RAB3C: variants seen among roughly 807,000 people sequenced by gnomAD.
The protein encoded by RAB3C is ras-related protein Rab-3C.
A neutral mutation model predicts 26.4 loss-of-function variants in RAB3C; 17 were observed. The observed-to-expected ratio is 0.64, with a 90% confidence interval of 0.44 to 0.97. The LOEUF (loss-of-function observed/expected upper bound fraction) is 0.97, where lower values mean the gene tolerates loss of function less well. Among genes scored for constraint, RAB3C ranks in the 50% least tolerant of loss-of-function variants. The probability of loss-of-function intolerance (pLI) is 0.00; values close to 1 mark genes in which losing one functional copy is unlikely to be tolerated. For missense variants in RAB3C, 242 were observed against 281.9 expected, an observed-to-expected ratio of 0.86 and a Z score of 1.01; for synonymous variants, 91 against 95.9, an observed-to-expected ratio of 0.95 and a Z score of 0.30.
intron 2 of RAB3C, among the ~76,000 whole-genome samples, chr5:58,675,853 G>A (rs1260512865): frequency 6.6e-6 from 1 of 151,906 alleles, no homozygotes; most frequent in Non-Finnish European, 1.5e-5. Flanking sequence ...TCCTCTGTTG[G>A]CGTCAGCTTT....
intron 3 of RAB3C, among the ~76,000 whole-genome samples, chr5:58,765,906 G>A (rs189412945): frequency 3.5e-4 from 53 of 152,110 alleles, no homozygotes; most frequent in South Asian, 2.1e-3. Context: ...GTGAGTTCTC[G>A]TGAGATCTGG....
intron 3 of RAB3C, among the ~76,000 whole-genome samples, chr5:58,735,419 C>T (rs959049950): frequency 2.0e-5 from 3 of 152,142 alleles, no homozygotes; most frequent in East Asian, 1.9e-4. Flanking sequence ...ATGTGAGTAA[C>T]GAGGACAAAC....
chr5:58,680,377 T>C (rs564863084), intron 2 of RAB3C, among the ~76,000 whole-genome samples: 4 of 152,332 alleles, frequency 2.6e-5, no homozygotes, highest in Admixed American at 2.6e-4. Context: ...TGTGGCATTA[T>C]TGAAGTGAAT....
At chr5:58,718,912 A>G (rs796297857) in intron 2 of RAB3C, among the ~76,000 whole-genome samples, 4 of 152,202 alleles carry the variant, frequency 2.6e-5, no homozygotes, top group African/African-American at 9.6e-5. Context: ...AGCATAAAAT[A>G]TTTAAGCTTC....
At chr5:58,779,693 G>A (rs777970640) in intron 3 of RAB3C, among the ~76,000 whole-genome samples, 3 of 151,942 alleles carry the variant, frequency 2.0e-5, no homozygotes, top group East Asian at 3.9e-4. Flanking sequence ...CAGCCTTTAC[G>A]ATATAAGATT....
chr5:58,663,453 T>A (rs1033429991), intron 2 of RAB3C, among the ~76,000 whole-genome samples: 5 of 150,354 alleles, frequency 3.3e-5, no homozygotes, highest in Admixed American at 3.3e-4. Context: ...AATTTCTTTA[T>A]CATTTGTTGA....
At chr5:58,626,865 T>TA (rs1747063261) in intron 2 of RAB3C, among the ~76,000 whole-genome samples, 1 of 152,202 alleles carries the variant, frequency 6.6e-6, no homozygotes, top group African/African-American at 2.4e-5. Context: ...GGCAGGTATT[T>TA]ATATGAAGAA....
intron 3 of RAB3C, among the ~76,000 whole-genome samples, chr5:58,772,760 T>A (rs753074947): frequency 6.6e-6 from 1 of 152,212 alleles, no homozygotes; most frequent in Non-Finnish European, 1.5e-5. Flanking sequence ...TCTTCTAATT[T>A]TCAGCATTCA....
chr5:58,711,156 G>C (rs1461708115), intron 2 of RAB3C, among the ~76,000 whole-genome samples: 1 of 152,162 alleles, frequency 6.6e-6, no homozygotes, highest in Non-Finnish European at 1.5e-5. Context: ...GAGCGAAAAG[G>C]AGAGCATGTG....
intron 3 of RAB3C, among the ~76,000 whole-genome samples, chr5:58,737,448 TAA>T (rs1561305286): frequency 9.6e-5 from 3 of 31,302 alleles, no homozygotes; most frequent in African/African-American, 2.9e-4. Flanking sequence ...TATATATATA[TAA>T]TTTACTTGTT....
chr5:58,673,237 C>T (rs1748157027), intron 2 of RAB3C, among the ~76,000 whole-genome samples: 1 of 152,082 alleles, frequency 6.6e-6, no homozygotes, highest in South Asian at 2.1e-4. Context: ...CTGTCCTGCC[C>T]CTGCATCATT....
chr5:58,688,684 T>C (rs1311324875), intron 2 of RAB3C, among the ~76,000 whole-genome samples: 1 of 152,140 alleles, frequency 6.6e-6, no homozygotes, highest in Non-Finnish European at 1.5e-5. Flanking sequence ...TTTTAATTAC[T>C]TTGTGTGACT....
chr5:58,824,643 C>G (rs145850936), intron 3 of RAB3C, among the ~76,000 whole-genome samples: 1 of 152,160 alleles, frequency 6.6e-6, no homozygotes, highest in Admixed American at 6.5e-5. Context: ...CTCAGTTTGC[C>G]TGAAACGGAG....
At chr5:58,719,059 T>C (rs1290180649) in intron 2 of RAB3C, among the ~76,000 whole-genome samples, 1 of 152,064 alleles carries the variant, frequency 6.6e-6, no homozygotes, top group African/African-American at 2.4e-5. Flanking sequence ...TGAAATTCTG[T>C]TGTTTCTGTT....
chr5:58,586,513 G>A (rs1009334023), intron 1 of RAB3C, among the ~76,000 whole-genome samples: 1 of 152,086 alleles, frequency 6.6e-6, no homozygotes, highest in Non-Finnish European at 1.5e-5. Context: ...TATTTGAAAA[G>A]GGGCAATGTT....
At chr5:58,608,973 A>G (rs1207760141) in intron 1 of RAB3C, among the ~76,000 whole-genome samples, 3 of 152,186 alleles carry the variant, frequency 2.0e-5, no homozygotes, top group African/African-American at 7.2e-5. Flanking sequence ...TCTCACTCTT[A>G]GGTGGGAATT....
intron 2 of RAB3C, among the ~76,000 whole-genome samples, chr5:58,681,087 A>G (rs1166247719): frequency 1.3e-5 from 2 of 152,188 alleles, no homozygotes; most frequent in African/African-American, 2.4e-5. Context: ...TGAAGAAAAT[A>G]TATGCTGTTT....
chr5:58,777,256 T>G (rs1742164138), intron 3 of RAB3C, among the ~76,000 whole-genome samples: 1 of 152,070 alleles, frequency 6.6e-6, no homozygotes, highest in African/African-American at 2.4e-5. Context: ...AGCTCTGGCC[T>G]TTTCAGTTCT....
At position 58,637,525 on chromosome 5, in the gene RAB3C, CTT is replaced by C. The variant is rs374479569; in HGVS notation, c.252+19657_252+19658del. 8.5e-5 allele frequency among the ~76,000 whole-genome samples: 13 copies of C among 152,182 alleles called. No individual in the cohort carries two copies. The South Asian group carries it at 2.5e-3, about 29-fold the overall frequency. ...AGAATAGACAGGATTTAGAGAAACTCTTTAAATTTTGGATATACTATAAGTTC... is the reference window on the plus strand; with the variant it reads ...AGAATAGACAGGATTTAGAGAAACTCTAAATTTTGGATATACTATAAGTTC... On this transcript the variant is annotated intron_variant, in intron 2 of 4. Transcript: ENST00000282878.
Sources: allele counts gnomAD v4.1 joint callset (sites outside exome capture counted in the v4.1 genomes callset), GRCh38; gene constraint gnomAD v4.1.1; transcripts MANE v1.5; gene names NCBI Gene and HGNC (gene_info 2026-07-23, HGNC 2026-07-21).